Variants in CRYBG1 observed in about 807,000 individuals in gnomAD.
The protein encoded by CRYBG1 is crystallin beta-gamma domain containing 1.
In CRYBG1, 139 loss-of-function variants were observed where a neutral mutation model predicts 189.2. The observed-to-expected ratio is 0.73, with a 90% CI of 0.64 to 0.85. The LOEUF is 0.85. Ranked by LOEUF, CRYBG1 falls within the 40% of genes least tolerant of loss-of-function variation. The pLI is 0.00. For synonymous variants in CRYBG1, 1,023 were observed against 1,017.1 expected (o/e 1.01, Z -0.11); for missense variants, 2,611 against 2,675.8 (o/e 0.98, Z 0.53).
chr6:106,492,301 T>A (rs1223513726), intron 2 of CRYBG1, among the ~76,000 whole-genome samples: 1 of 152,164 alleles, frequency 6.6e-6, no homozygotes, highest in Non-Finnish European at 1.5e-5. Context: ...TACTAATTGT[T>A]TCATATCTTT....
At chr6:106,557,408 ATTTTTT>A (rs11337967) in intron 17 of CRYBG1, among the ~76,000 whole-genome samples, 1 of 144,990 alleles carries the variant, frequency 6.9e-6, no homozygotes. Context: ...ACATGCTTTT[ATTTTTT>A]TTTTTTTTGA....
chr6:106,419,074 T>C (rs1170455897), intron 1 of CRYBG1, among the ~76,000 whole-genome samples: 5 of 152,204 alleles, frequency 3.3e-5, no homozygotes, highest in Non-Finnish European at 5.9e-5. Context: ...ACTGTACACA[T>C]GGTTGACAAA....
intron 20 of CRYBG1, among the ~76,000 whole-genome samples, chr6:106,563,348 C>T (rs550002102): frequency 2.6e-5 from 4 of 152,158 alleles, no homozygotes; most frequent in African/African-American, 7.2e-5. Flanking sequence ...CCCAGTGCTA[C>T]AAAATTAGAG....
intron 11 of CRYBG1, among the ~76,000 whole-genome samples, chr6:106,544,326 C>T (rs1774207381): frequency 2.6e-5 from 4 of 152,176 alleles, no homozygotes; most frequent in Admixed American, 2.0e-4. Context: ...AACACACACA[C>T]ATACACACCA....
At chr6:106,472,664 G>A (rs1302271669) in intron 2 of CRYBG1, among the ~76,000 whole-genome samples, 2 of 151,906 alleles carry the variant, frequency 1.3e-5, no homozygotes, top group Non-Finnish European at 2.9e-5. Flanking sequence ...GAAGGCCAAG[G>A]CGGGCAGATT....
chr6:106,458,519 C>A (rs1041255213), intron 2 of CRYBG1, among the ~76,000 whole-genome samples: 2 of 152,156 alleles, frequency 1.3e-5, no homozygotes, highest in Non-Finnish European at 2.9e-5. Context: ...GACTAGGAAG[C>A]CCTAAGGATC....
At chr6:106,522,483 C>T (rs570169033) in intron 4 of CRYBG1, among the ~76,000 whole-genome samples, 34 of 152,206 alleles carry the variant, frequency 2.2e-4, no homozygotes, top group Non-Finnish European at 4.7e-4. Flanking sequence ...TCTTTTATCT[C>T]ACTTCAGAAG....
chr6:106,521,034 G>C lies in CRYBG1; in HGVS notation c.3826G>C (p.Gly1276Arg), dbSNP rs747292072. ...CACGGCTTTCAGTACTTCTCAGAAC[G>C]GTTCCCTATCTCAGTCTTCAGTGTC... is the stretch of plus-strand genomic sequence containing the variant. ...MTTAFSTSQNGSLSQSSVSQP... is the reference protein window; with the variant it reads ...MTTAFSTSQNRSLSQSSVSQP... The change falls in exon 4 of 22, where the codon GGT becomes CGT. Residue 1276 changes from glycine to arginine, a missense_variant. By Grantham distance (125) the Gly-to-Arg change is moderately radical (BLOSUM62 -2). Around this residue, in one of 3 missense-constraint regions of CRYBG1, gnomAD observed 1,622 missense variants for 1,735.0 expected, o/e 0.93. Coordinates refer to ENST00000633556, the MANE Select transcript of CRYBG1 (RefSeq NM_001371242.2). 1.2e-6 allele frequency: 2 copies of C among 1,613,982 alleles called. No individual in the cohort carries two copies. Among genetic ancestry groups the C allele is most frequent in the Non-Finnish European group, 1.7e-6 (2 of 1,180,020 alleles).
intron 13 of CRYBG1, among the ~76,000 whole-genome samples, chr6:106,550,647 G>C (rs1347903696): frequency 6.6e-6 from 1 of 152,028 alleles, no homozygotes; most frequent in East Asian, 1.9e-4. Flanking sequence ...AACACTGTTG[G>C]AAACAATATT....
rs147570167 is a variant in CRYBG1, at chr6:106,374,927, A to G, written c.173+13846A>G. ...CAGGAATGAGAGAGAGAAAAGCCAAAATACGCCTGAAAGTTCTGTGTTATT... is the reference window on the plus strand; with the variant it reads ...CAGGAATGAGAGAGAGAAAAGCCAAGATACGCCTGAAAGTTCTGTGTTATT... On this transcript the variant is annotated intron_variant, in intron 1 of 21. Coordinates refer to ENST00000633556, the MANE Select transcript of CRYBG1 (RefSeq NM_001371242.2). 1.1e-3 allele frequency among the ~76,000 whole-genome samples: 174 copies of G among 152,310 alleles called. 1 individual carries two copies. The highest frequency in any genetic ancestry group is 4.1e-3 in the African/African-American group (170 of 41,560).
At position 106,561,503 on chromosome 6, in the gene CRYBG1, G is replaced by A. The variant is rs767482832; in HGVS notation, c.6138+3G>A. On this transcript the variant is annotated splice_donor_region_variant and intron_variant, in intron 20 of 21. Transcript: ENST00000633556. Reference sequence around the variant, plus strand: ...AAGAAGGATGTATCAAATGCAGGGTGAGCTTTAGGATTCCACGGGGGCCTG... The same window carrying A: ...AAGAAGGATGTATCAAATGCAGGGTAAGCTTTAGGATTCCACGGGGGCCTG... The A allele has an allele frequency of 8.1e-6, 13 of 1,610,440 alleles. No homozygotes were observed. Among genetic ancestry groups the A allele is most frequent in the African/African-American group, 6.7e-5 (5 of 74,818 alleles).
At chr6:106,433,718 AATATATATATATATATACATATATATGT>A (rs1241753037) in intron 1 of CRYBG1, among the ~76,000 whole-genome samples, 1 of 64,948 alleles carries the variant, frequency 1.5e-5, no homozygotes, top group Non-Finnish European at 2.6e-5. Flanking sequence ...GAAACTGGGA[AATATATATATATATATACATATATATGT>A]ATATATATAT....
At chr6:106,375,327 A>G (rs1363746514) in intron 1 of CRYBG1, among the ~76,000 whole-genome samples, 1 of 152,164 alleles carries the variant, frequency 6.6e-6, no homozygotes, top group African/African-American at 2.4e-5. Context: ...TCAAAGCTGC[A>G]GTGAGCTGTG....
In CRYBG1 at chr6:106,513,044, G is replaced by A. The variant is rs1442000642; in HGVS notation, c.1922+5G>A. On this transcript the variant is annotated splice_donor_5th_base_variant and intron_variant, in intron 3 of 21. Coordinates refer to ENST00000633556, the MANE Select transcript of CRYBG1 (RefSeq NM_001371242.2). ...AGTGACCACTAAAGTGACCCTGTAA[G>A]TAGCCGCGCAAGTCCCGGCCGAGTT... 6.3e-6 allele frequency: 10 copies of A among 1,597,708 alleles called. No individual in the cohort carries two copies. The highest frequency in any genetic ancestry group is 7.6e-6 in the Non-Finnish European group (9 of 1,178,296).
chr6:106,389,990 G>A (rs1770470464), intron 1 of CRYBG1, among the ~76,000 whole-genome samples: 1 of 151,982 alleles, frequency 6.6e-6, no homozygotes, highest in African/African-American at 2.4e-5. Flanking sequence ...TAAACCTTTG[G>A]AAAAATTGTT....
chr6:106,451,517 A>C, intron 1 of CRYBG1, 177 bp from the exon 2 acceptor site: 1 of 509,670 alleles, frequency 2.0e-6, no homozygotes, highest in Non-Finnish European at 3.2e-6. Context: ...AGGTTTATTT[A>C]TAAATGTGCT....
intron 1 of CRYBG1, among the ~76,000 whole-genome samples, chr6:106,386,970 T>C (rs1770403462): frequency 6.6e-6 from 1 of 152,202 alleles, no homozygotes; most frequent in African/African-American, 2.4e-5. Flanking sequence ...ATTGAGACAA[T>C]AGCTCGTATT....
chr6:106,438,806 C>A (rs141787759), intron 1 of CRYBG1, among the ~76,000 whole-genome samples: 41 of 152,034 alleles, frequency 2.7e-4, no homozygotes, highest in Non-Finnish European at 5.0e-4. Context: ...CAAATATTTT[C>A]GGTTTTCAAA....
intron 2 of CRYBG1, among the ~76,000 whole-genome samples, chr6:106,499,101 T>C (rs1772923404): frequency 2.0e-5 from 3 of 150,938 alleles, no homozygotes. Flanking sequence ...AAATTTTTTT[T>C]GCATTTTTTT....
Sources: gnomAD v4.1 joint callset for allele counts (sites outside exome capture counted in the v4.1 genomes callset) on GRCh38, gnomAD v4.1.1 for gene constraint, gnomAD v4.1.1 regional missense constraint, MANE v1.5 for transcripts, NCBI Gene and HGNC (gene_info 2026-07-23, HGNC 2026-07-21) for gene names.